Variants in TMCO6 observed in about 807,000 individuals in gnomAD.
The protein encoded by TMCO6 is transmembrane and coiled-coil domain-containing protein 6.
A neutral mutation model predicts 61.8 loss-of-function variants in TMCO6; 47 were observed. That is an observed-to-expected ratio of 0.76 (90% CI 0.60 to 0.97). The LOEUF (loss-of-function observed/expected upper bound fraction) is 0.97. Among genes scored for constraint, TMCO6 ranks in the 50% least tolerant of loss-of-function variants. TMCO6 has a pLI of 0.00. For synonymous variants in TMCO6, 261 were observed against 254.2 expected, an observed-to-expected ratio of 1.03 and a Z score of -0.25; for missense variants, 557 against 601.6, an observed-to-expected ratio of 0.93 and a Z score of 0.78.
At chr5:140,627,730 C>CT in the TMCO6 span, among the ~76,000 whole-genome samples, 103 of 143,548 alleles carry the variant, frequency 7.2e-4, no homozygotes, top group South Asian at 7.0e-3. Flanking sequence ...TTTTTCTTTT[C>CT]TTTTTTTTTT....
chr5:140,645,647 G>T, downstream of TMCO6: 1 of 1,614,182 alleles, frequency 6.2e-7, no homozygotes, highest in Non-Finnish European at 8.5e-7. Flanking sequence ...CACTGAAGTT[G>T]TTCAAAGGGA....
chr5:140,643,428 C>T lies in TMCO6; in HGVS notation c.807-136C>T, dbSNP rs558129123. 126 of 820,106 alleles carry T rather than the reference C, an allele frequency of 1.5e-4. No homozygotes were observed. The East Asian group carries it at 3.0e-3, about 19-fold the overall frequency. 50.8% of individuals were successfully genotyped at this position (820,106 alleles called of 1,614,324 possible). A position where few individuals can be genotyped will look rare whatever the true frequency, so the allele number is the denominator to read the frequency against. ...GCCAGGCTGGTCTCAAACTCCTGAC[C>T]TCAGGTGATCCACCCACCTCAGCCT... On this transcript the variant is annotated intron_variant, in intron 7 of 11. Coordinates refer to ENST00000394671, the MANE Select transcript of TMCO6 (RefSeq NM_018502.5).
downstream of TMCO6, chr5:140,645,795 A>G: frequency 6.6e-7 from 1 of 1,509,118 alleles, no homozygotes; most frequent in Non-Finnish European, 9.0e-7. Flanking sequence ...TATTAAAGAG[A>G]TATGATCAAA....
chr5:140,599,140 C>A, the TMCO6 span, among the ~76,000 whole-genome samples: 8 of 152,186 alleles, frequency 5.3e-5, no homozygotes, highest in Non-Finnish European at 1.2e-4. Context: ...GCATTTTGTG[C>A]TTCAAAGGGT....
chr5:140,645,555 G>A, downstream of TMCO6: 1 of 1,613,070 alleles, frequency 6.2e-7, no homozygotes, highest in Non-Finnish European at 8.5e-7. Context: ...CCCAGGCTCT[G>A]GGGCTGTTGC....
the TMCO6 span, among the ~76,000 whole-genome samples, chr5:140,614,703 C>T: frequency 6.6e-6 from 1 of 152,132 alleles, no homozygotes; most frequent in African/African-American, 2.4e-5. Flanking sequence ...CAAGCTCAGC[C>T]TCCCAGGTTC....
At chr5:140,612,830 G>A in the TMCO6 span, among the ~76,000 whole-genome samples, 35 of 152,314 alleles carry the variant, frequency 2.3e-4, no homozygotes, top group African/African-American at 7.7e-4. Flanking sequence ...TGACTTTAGT[G>A]AAGTAAAATA....
the TMCO6 span, among the ~76,000 whole-genome samples, chr5:140,613,119 G>A: frequency 2.0e-5 from 3 of 152,120 alleles, no homozygotes; most frequent in African/African-American, 7.2e-5. Context: ...GGCCGGGCAC[G>A]GTGGCTCATG....
intron 7 of TMCO6, 96 bp from the exon 8 acceptor site, chr5:140,643,467 GA>G: frequency 8.6e-7 from 1 of 1,159,392 alleles, no homozygotes; most frequent in Non-Finnish European, 1.3e-6. Flanking sequence ...AAAGTGCTGG[GA>G]TTACAGGCAT....
At chr5:140,642,262 C>T (rs890938688) in intron 4 of TMCO6, 53 bp from the exon 5 acceptor site, 38 of 1,518,626 alleles carry the variant, frequency 2.5e-5, no homozygotes, top group Non-Finnish European at 3.2e-5. Context: ...TCTCCCCACA[C>T]GCAGCCTGGC....
the TMCO6 span, among the ~76,000 whole-genome samples, chr5:140,624,809 T>C: frequency 6.6e-6 from 1 of 151,498 alleles, no homozygotes; most frequent in Non-Finnish European, 1.5e-5. Context: ...ATTACAGGCA[T>C]GAGTCACTGC....
chr5:140,631,115 G>A, the TMCO6 span, among the ~76,000 whole-genome samples: 22 of 152,190 alleles, frequency 1.4e-4, no homozygotes, highest in Non-Finnish European at 2.8e-4. Flanking sequence ...ACAGAACACA[G>A]GATCTCTAAT....
At chr5:140,642,199 CTT>C (rs1264091223) in intron 4 of TMCO6, 114 bp from the exon 5 acceptor site, 100 of 1,392,458 alleles carry the variant, frequency 7.2e-5, no homozygotes, top group Non-Finnish European at 2.4e-5. Context: ...TCCCCACCCT[CTT>C]GTGAGCCGCA....
chr5:140,634,319 G>A, the TMCO6 span, among the ~76,000 whole-genome samples: 2 of 151,490 alleles, frequency 1.3e-5, no homozygotes, highest in South Asian at 2.1e-4. Flanking sequence ...CACCAGTTTC[G>A]CAAAAAACAG....
At chr5:140,630,551 A>C in the TMCO6 span, among the ~76,000 whole-genome samples, 6 of 152,316 alleles carry the variant, frequency 3.9e-5, no homozygotes, top group East Asian at 1.2e-3. Context: ...AGGCTTTAGC[A>C]CAAGGCCTGA....
the TMCO6 span, among the ~76,000 whole-genome samples, chr5:140,625,214 A>C: frequency 6.6e-6 from 1 of 152,068 alleles, no homozygotes; most frequent in Non-Finnish European, 1.5e-5. Context: ...CTTACTCTCT[A>C]TAGTTTACTT....
At chr5:140,610,453 C>G in the TMCO6 span, among the ~76,000 whole-genome samples, 1 of 152,138 alleles carries the variant, frequency 6.6e-6, no homozygotes, top group Non-Finnish European at 1.5e-5. Context: ...CCCGCCTCAG[C>G]CAACCAAAGT....
downstream of TMCO6, chr5:140,647,698 G>A: frequency 7.0e-7 from 1 of 1,424,722 alleles, no homozygotes; most frequent in Admixed American, 1.9e-5. Flanking sequence ...GCGGGGTAAA[G>A]CTTGGCCAAT....
At chr5:140,647,518 G>A (rs769050771), downstream of TMCO6, 29 of 1,612,618 alleles carry the variant, frequency 1.8e-5, no homozygotes, top group South Asian at 4.4e-5. Flanking sequence ...GCTGACATAA[G>A]TGGATGCGAA....
Sources: allele counts gnomAD v4.1 joint callset (sites outside exome capture counted in the v4.1 genomes callset), GRCh38; gene constraint gnomAD v4.1.1; transcripts MANE v1.5; gene names NCBI Gene and HGNC (gene_info 2026-07-23, HGNC 2026-07-21).